B3GALT1: variants seen among roughly 807,000 people sequenced by gnomAD.
B3GALT1 encodes beta-1,3-galactosyltransferase 1, also known as UDP-Gal:betaGlcNAc beta 1,3-galactosyltransferase, polypeptide 1.
In B3GALT1, 10 loss-of-function variants were observed where a neutral mutation model predicts 23.2. The ratio of observed to expected loss-of-function variants is 0.43; its 90% CI spans 0.27 to 0.73. B3GALT1 has a LOEUF of 0.73. Ranked by LOEUF, B3GALT1 falls within the 30% of genes least tolerant of loss-of-function variation. The pLI is 0.21. For missense variants in B3GALT1, 299 were observed against 405.4 expected (o/e 0.74, Z 2.25); for synonymous variants, 156 against 141.5 (o/e 1.10, Z -0.73).
intron 2 of B3GALT1, among the ~76,000 whole-genome samples, chr2:167,625,099 T>TG (rs573295051): frequency 1.2e-3 from 180 of 151,966 alleles, no homozygotes; most frequent in African/African-American, 4.2e-3. Context: ...GTCATGGAGG[T>TG]GCCTGGAACT....
chr2:167,459,661 T>C (rs1428063395), intron 1 of B3GALT1, among the ~76,000 whole-genome samples: 1 of 152,164 alleles, frequency 6.6e-6, no homozygotes, highest in Non-Finnish European at 1.5e-5. Flanking sequence ...AATACTAGCT[T>C]TTACAATGGT....
At chr2:167,364,057 G>C (rs747568798) in intron 1 of B3GALT1, among the ~76,000 whole-genome samples, 1 of 150,982 alleles carries the variant, frequency 6.6e-6, no homozygotes, top group African/African-American at 2.4e-5. Flanking sequence ...CCAGTTACTC[G>C]GGAGGATGAG....
At chr2:167,584,224 A>G (rs1684544067) in intron 2 of B3GALT1, among the ~76,000 whole-genome samples, 2 of 152,314 alleles carry the variant, frequency 1.3e-5, no homozygotes, top group African/African-American at 4.8e-5. Flanking sequence ...AGTTAGGGAG[A>G]TGAAAATTAT....
chr2:167,421,351 G>A (rs1009540948), intron 1 of B3GALT1, among the ~76,000 whole-genome samples: 2 of 152,144 alleles, frequency 1.3e-5, no homozygotes, highest in Non-Finnish European at 1.5e-5. Context: ...AAGTGGTTGA[G>A]CCTAGGGTTA....
intron 3 of B3GALT1, among the ~76,000 whole-genome samples, chr2:167,752,278 A>G (rs1687749602): frequency 6.6e-6 from 1 of 152,194 alleles, no homozygotes; most frequent in South Asian, 2.1e-4. Context: ...AAAGAACAAT[A>G]CTTTTAACCT....
intron 2 of B3GALT1, among the ~76,000 whole-genome samples, chr2:167,586,960 G>T (rs1275490878): frequency 6.6e-6 from 1 of 152,152 alleles, no homozygotes; most frequent in Non-Finnish European, 1.5e-5. Context: ...AACATTGGAT[G>T]ATAAAACTTG....
At chr2:167,683,205 GTAT>G (rs1320950971) in intron 3 of B3GALT1, among the ~76,000 whole-genome samples, 1 of 152,172 alleles carries the variant, frequency 6.6e-6, no homozygotes, top group Non-Finnish European at 1.5e-5. Context: ...CAGTGTGTTA[GTAT>G]TATTAGGTAC....
chr2:167,330,137 A>G (rs544508980), intron 1 of B3GALT1, among the ~76,000 whole-genome samples: 19 of 151,036 alleles, frequency 1.3e-4, no homozygotes, highest in Non-Finnish European at 2.2e-4. Context: ...TCTTCACTCT[A>G]GGACCCTGAT....
chr2:167,367,255 C>T (rs1197490476), intron 1 of B3GALT1, among the ~76,000 whole-genome samples: 1 of 152,168 alleles, frequency 6.6e-6, no homozygotes, highest in African/African-American at 2.4e-5. Context: ...AAAGAATAAA[C>T]TAATTTCAAG....
chr2:167,838,921 A>T (rs1371259309), intron 4 of B3GALT1, among the ~76,000 whole-genome samples: 1 of 152,262 alleles, frequency 6.6e-6, no homozygotes, highest in Admixed American at 6.5e-5. Context: ...AACCAAAGAC[A>T]AAAACCACGT....
chr2:167,867,281 A>G (rs1690253334), intron 4 of B3GALT1, among the ~76,000 whole-genome samples: 1 of 151,986 alleles, frequency 6.6e-6, no homozygotes, highest in South Asian at 2.1e-4. Context: ...CTTACTGTTT[A>G]AAGTTTCAAA....
chr2:167,308,921 G>A (rs749648153), intron 1 of B3GALT1, among the ~76,000 whole-genome samples: 16 of 151,916 alleles, frequency 1.1e-4, no homozygotes, highest in South Asian at 4.1e-4. Flanking sequence ...TTGGACTGTG[G>A]CATTATGCTT....
chr2:167,544,758 C>G (rs1283272802), intron 2 of B3GALT1, among the ~76,000 whole-genome samples: 2 of 152,128 alleles, frequency 1.3e-5, no homozygotes, highest in African/African-American at 4.8e-5. Flanking sequence ...CAACCTGCAG[C>G]TAGTTGTCAA....
intron 2 of B3GALT1, among the ~76,000 whole-genome samples, chr2:167,492,526 C>T (rs1009483527): frequency 6.6e-6 from 1 of 152,134 alleles, no homozygotes; most frequent in East Asian, 1.9e-4. Flanking sequence ...AGTGGTAAGA[C>T]AGTGTAGTTT....
intron 2 of B3GALT1, among the ~76,000 whole-genome samples, chr2:167,504,963 A>C (rs1463506869): frequency 1.3e-5 from 2 of 152,226 alleles, no homozygotes; most frequent in Non-Finnish European, 2.9e-5. Context: ...TAAGTGATGC[A>C]TGACTATATG....
chr2:167,642,940 A>G lies in B3GALT1; in HGVS notation c.-409-3969A>G, dbSNP rs187357330. Among the ~76,000 whole-genome samples, 116 of 152,314 alleles carry G rather than the reference A, an allele frequency of 7.6e-4. 1 individual carries two copies. Among genetic ancestry groups the G allele is most frequent in the African/African-American group, 2.1e-3 (86 of 41,574 alleles). On this transcript the variant is annotated intron_variant, in intron 2 of 4. Transcript: ENST00000392690. The stretch of plus-strand genomic sequence containing the variant: ...AAAATGTATAAAAATGTATATTTTT[A>G]TACTTTCAGAGGACTCATCCTGCAT...
intron 2 of B3GALT1, among the ~76,000 whole-genome samples, chr2:167,629,372 T>C (rs1685400309): frequency 6.6e-6 from 1 of 151,776 alleles, no homozygotes; most frequent in South Asian, 2.1e-4. Flanking sequence ...TGTTTTAATT[T>C]TGACGTCAGC....
intron 1 of B3GALT1, among the ~76,000 whole-genome samples, chr2:167,438,405 G>A (rs1173079335): frequency 2.0e-5 from 3 of 152,184 alleles, no homozygotes; most frequent in Admixed American, 6.5e-5. Flanking sequence ...GGCTGTGATT[G>A]GTGAATGACT....
chr2:167,335,307 A>G (rs1055222415), intron 1 of B3GALT1, among the ~76,000 whole-genome samples: 12 of 152,210 alleles, frequency 7.9e-5, no homozygotes, highest in Admixed American at 7.9e-4. Context: ...TTGTCTGACT[A>G]TGAAGCTAGG....
Sources: allele counts gnomAD v4.1 joint callset (sites outside exome capture counted in the v4.1 genomes callset), GRCh38; gene constraint gnomAD v4.1.1; transcripts MANE v1.5; gene names NCBI Gene and HGNC (gene_info 2026-07-23, HGNC 2026-07-21).